Variants in NIBAN3 observed in about 807,000 individuals in gnomAD.
NIBAN3 encodes protein Niban 3.
Under a neutral mutation model 76.4 loss-of-function variants are expected in NIBAN3, and 66 were observed. That is an observed-to-expected ratio of 0.86 (90% CI 0.71 to 1.06). The LOEUF (loss-of-function observed/expected upper bound fraction) is 1.06. NIBAN3 is among the 50% of genes least tolerant of loss of function. The pLI, the probability that NIBAN3 is intolerant of heterozygous loss-of-function variation, is 0.00. For synonymous variants in NIBAN3, 360 were observed against 355.2 expected, an observed-to-expected ratio of 1.01 and a Z score of -0.15; for missense variants, 808 against 810.7, an observed-to-expected ratio of 1.00 and a Z score of 0.04.
chr19:17,541,226 CATAT>C (rs79074560), intron 9 of NIBAN3, among the ~76,000 whole-genome samples: 42 of 104,120 alleles, frequency 4.0e-4, no homozygotes, highest in South Asian at 2.5e-3. Context: ...TACATACATA[CATAT>C]ATACATACAT....
At chr19:17,527,164 C>A (rs946156975), upstream of NIBAN3, 9 of 1,505,202 alleles carry the variant, frequency 6.0e-6, no homozygotes, top group East Asian at 2.5e-5. Context: ...TGGCTCTGGG[C>A]AACACGGGCC....
chr19:17,543,807 A>G (rs1378884255), intron 12 of NIBAN3, 176 bp downstream of exon 12: 2 of 520,248 alleles, frequency 3.8e-6, no homozygotes, highest in Non-Finnish European at 3.4e-6. Context: ...CCTGGCTAAC[A>G]TAGTGAAACC....
At position 17,553,609 on chromosome 19, in the gene NIBAN3, G is replaced by T; in HGVS notation, c.*1711G>T. 1 of 1,526,826 alleles carries T rather than the reference G, an allele frequency of 6.5e-7. No individual in the cohort carries two copies. Among genetic ancestry groups the T allele is most frequent in the Non-Finnish European group, 9.1e-7 (1 of 1,102,258 alleles). 94.6% of individuals were successfully genotyped at this position (1,526,826 alleles called of 1,614,324 possible). A position where few individuals can be genotyped will look rare whatever the true frequency, so the allele number is the denominator to read the frequency against. On this transcript the variant is annotated 3_prime_UTR_variant, in exon 15 of 15. Coordinates refer to ENST00000599164, the MANE Select transcript of NIBAN3 (RefSeq NM_001321827.2). ...CTATTTCCCTCCAACCCCACCTTCC[G>T]AAATACATTTGCTCAATACATTTGC...
chr19:17,554,797 A>AAATAATAATAAT (rs71162154), downstream of NIBAN3, among the ~76,000 whole-genome samples: 1,227 of 138,118 alleles, frequency 8.9e-3, 20 homozygotes, highest in African/African-American at 0.024. Context: ...AAAAAAAAGA[A>AAATAATAATAAT]AATAATAATA....
At position 17,539,799 on chromosome 19, in the gene NIBAN3, G is replaced by A. The variant is rs57070010; in HGVS notation, c.979+34G>A. ...CTGGGGCGGAGCCTGGGCTGGGAGG[G>A]GCGAGGCGATGCTGGGGAAAAAGGG... On this transcript the variant is annotated intron_variant, in intron 8 of 14. Coordinates refer to ENST00000599164, the MANE Select transcript of NIBAN3 (RefSeq NM_001321827.2). The A allele has an allele frequency of 6.1e-6, 9 of 1,466,894 alleles. No individual in the cohort carries two copies. In the African/African-American group the frequency reaches 7.1e-5, roughly 12 times the overall value. 90.9% of individuals were successfully genotyped at this position (1,466,894 alleles called of 1,614,324 possible).
At chr19:17,546,887 C>G in intron 13 of NIBAN3, 90 bp downstream of exon 13, 1 of 1,462,946 alleles carries the variant, frequency 6.8e-7, no homozygotes, top group African/African-American at 1.4e-5. Context: ...ACTCTCACTT[C>G]CTGTGAATAC....
Position 17,543,575 on chromosome 19 carries a change from G to A in NIBAN3, c.1498G>A (p.Gly500Ser), listed in dbSNP as rs149676710. The change falls in exon 12 of 15, where the codon GGT becomes AGT. Residue 500 changes from glycine (G) to serine (S), a missense_variant. By Grantham distance (56) the Gly-to-Ser change is moderately conservative (BLOSUM62 0). Transcript: ENST00000599164. ...LAQRRFIRGW[G>S]LCIFLPFVLS... ...GCAGAGGAGGTTCATCCGAGGCTGG[G>A]GTCTCTGCATCTTTTTACCTTTTGT... 1 of 1,614,120 alleles carries A rather than the reference G, an allele frequency of 6.2e-7. No individual in the cohort carries two copies. Among genetic ancestry groups the A allele is most frequent in the Non-Finnish European group, 8.5e-7 (1 of 1,180,022 alleles).
In NIBAN3 at chr19:17,552,080, A is replaced by T. The variant is rs1391265980; in HGVS notation, c.*182A>T. 63 of 298,576 alleles carry T rather than the reference A, an allele frequency of 2.1e-4. No homozygotes were observed. Among genetic ancestry groups the T allele is most frequent in the South Asian group, 4.4e-4 (5 of 11,240 alleles). 18.5% of individuals were successfully genotyped at this position (298,576 alleles called of 1,614,324 possible). ...TTTCCCCAAGGCTTTCTTTATTTTA[A>T]TTTTTTTTTTTTTTTTGAGACTGAG... On this transcript the variant is annotated 3_prime_UTR_variant, in exon 15 of 15. Transcript: ENST00000599164.
At chr19:17,548,975 G>A (rs530219013) in intron 13 of NIBAN3, among the ~76,000 whole-genome samples, 53 of 151,922 alleles carry the variant, frequency 3.5e-4, no homozygotes, top group Non-Finnish European at 5.9e-4. Flanking sequence ...CAGAGAGTTG[G>A]GAGACACCCC....
chr19:17,532,619 A>T (rs945266239), intron 3 of NIBAN3, among the ~76,000 whole-genome samples: 1 of 152,192 alleles, frequency 6.6e-6, no homozygotes, highest in African/African-American at 2.4e-5. Context: ...CGTGGTCAGT[A>T]TCAGAGCTGT....
chr19:17,539,308 C>T, intron 6 of NIBAN3, 39 bp from the exon 7 acceptor site: 1 of 1,559,146 alleles, frequency 6.4e-7, no homozygotes, highest in Non-Finnish European at 8.7e-7. Context: ...CCAGGACCCT[C>T]CCGGCCGACC....
At chr19:17,527,127 T>A (rs554452261), upstream of NIBAN3, 11 of 1,249,086 alleles carry the variant, frequency 8.8e-6, no homozygotes, top group Non-Finnish European at 1.2e-5. Flanking sequence ...ACCCCGGGGC[T>A]GTCCCCGCAG....
At chr19:17,532,181 G>C in intron 2 of NIBAN3, 82 bp from the exon 3 acceptor site, 1 of 1,507,238 alleles carries the variant, frequency 6.6e-7, no homozygotes, top group Non-Finnish European at 8.9e-7. Flanking sequence ...GTCACCCCAG[G>C]ATACAGCGGG....
intron 1 of NIBAN3, among the ~76,000 whole-genome samples, chr19:17,528,341 C>T (rs2144665924): frequency 6.6e-6 from 1 of 151,420 alleles, no homozygotes; most frequent in African/African-American, 2.4e-5. Context: ...ATCTGCTCAC[C>T]TCAGCCTCCC....
In NIBAN3 at chr19:17,552,223, C is replaced by A; in HGVS notation, c.*325C>A. ...CCTCCCGAGTAGCTGAGATTTCAGG[C>A]ACCCGCCACCATGCCTGGTTAATTT... On this transcript the variant is annotated 3_prime_UTR_variant, in exon 15 of 15. Coordinates refer to ENST00000599164, the MANE Select transcript of NIBAN3 (RefSeq NM_001321827.2). 1 of 169,666 alleles carries A rather than the reference C, an allele frequency of 5.9e-6. No homozygotes were observed. The allele number at this position is 169,666 out of a possible 1,614,324, so 10.5% of individuals were successfully genotyped here.
chr19:17,532,157 C>G, intron 2 of NIBAN3, 106 bp from the exon 3 acceptor site: 1 of 1,385,326 alleles, frequency 7.2e-7, no homozygotes. Flanking sequence ...CCTGGGGCAT[C>G]ACGGGACCTT....
chr19:17,543,449 A>G lies in NIBAN3; in HGVS notation c.1446+16A>G. On this transcript the variant is annotated intron_variant, in intron 11 of 14. Transcript: ENST00000599164. ...CGTGCTGAAGGTGTGTTCTGTGGGT[A>G]CGGGGTGGCATGGGGTGGCAGTGGG... The G allele has an allele frequency of 1.2e-6, 2 of 1,611,172 alleles. No homozygotes were observed. The highest frequency in any genetic ancestry group is 1.7e-6 in the Non-Finnish European group (2 of 1,177,412).
At chr19:17,529,949 C>T (rs1360209667) in intron 1 of NIBAN3, among the ~76,000 whole-genome samples, 1 of 151,916 alleles carries the variant, frequency 6.6e-6, no homozygotes, top group Non-Finnish European at 1.5e-5. Flanking sequence ...ATCCCAGCTA[C>T]TGGAGTGGGG....
chr19:17,543,676 T>C, intron 12 of NIBAN3, 45 bp downstream of exon 12: 1 of 1,498,664 alleles, frequency 6.7e-7, no homozygotes, highest in Non-Finnish European at 9.1e-7. Flanking sequence ...AGCATCACCA[T>C]GCATCCACTT....
Sources: allele counts gnomAD v4.1 joint callset (sites outside exome capture counted in the v4.1 genomes callset), GRCh38; gene constraint gnomAD v4.1.1; transcripts MANE v1.5; gene names NCBI Gene and HGNC (gene_info 2026-07-23, HGNC 2026-07-21).